The following WASHC2C variants were observed in gnomAD, a reference collection of about 807,000 sequenced individuals.
WASHC2C encodes the protein WASH complex subunit 2C.
Under a neutral mutation model 142.2 loss-of-function variants are expected in WASHC2C, and 73 were observed. The ratio of observed to expected loss-of-function variants is 0.51; its 90% confidence interval spans 0.43 to 0.62. The LOEUF (loss-of-function observed/expected upper bound fraction) is 0.62. Ranked by LOEUF, WASHC2C falls within the 20% of genes least tolerant of loss-of-function variation. The pLI is 0.00. For missense variants in WASHC2C, 969 were observed against 1,531.7 expected (o/e 0.63, Z 6.13); for synonymous variants, 337 against 565.5 (o/e 0.60, Z 5.73).
intron 17 of WASHC2C, among the ~76,000 whole-genome samples, chr10:45,760,767 G>T (rs2054960718): frequency 7.8e-6 from 1 of 127,688 alleles, no homozygotes; most frequent in Non-Finnish European, 1.6e-5. Context: ...TGTGCTCCTG[G>T]TCCTCTTTCC....
intron 20 of WASHC2C, among the ~76,000 whole-genome samples, chr10:45,772,662 G>C (rs1428164120): frequency 6.6e-6 from 1 of 152,204 alleles, no homozygotes; most frequent in African/African-American, 2.4e-5. Context: ...GCTGCAGTGG[G>C]ATATGATTGT....
chr10:45,791,966 C>CGTG (rs2058420526), intron 30 of WASHC2C, among the ~76,000 whole-genome samples: 1 of 145,628 alleles, frequency 6.9e-6, no homozygotes, highest in African/African-American at 2.5e-5. Context: ...ATGGTAGGGG[C>CGTG]GTGGGCTGGT....
At chr10:45,754,384 T>A (rs546481860) in intron 13 of WASHC2C, 102 bp from the exon 14 acceptor site, 1 of 1,583,866 alleles carries the variant, frequency 6.3e-7, no homozygotes, top group South Asian at 1.1e-5. Flanking sequence ...TTTCAAAAGG[T>A]CTGGTACTAG....
rs782302005 is a variant in WASHC2C, at chr10:45,754,964, C to T, written c.1269C>T (p.Ser423=). ...LGDTDVFGAA[S]VPSLKEPQKP... ...ACACGGATGTGTTTGGTGCTGCCTC[C>T]GTTCCATCACTGAAGGAGCCACAGA... The change falls in exon 15 of 31, where the codon TCC becomes TCT. Residue 423 remains serine, a synonymous_variant. Coordinates refer to ENST00000623400, the MANE Select transcript of WASHC2C (RefSeq NM_001330074.2). The T allele has an allele frequency of 3.7e-6, 6 of 1,611,862 alleles. No individual in the cohort carries two copies. Among genetic ancestry groups the T allele is most frequent in the African/African-American group, 1.3e-5 (1 of 74,824 alleles).
chr10:45,738,624 A>G (rs1554865859), intron 4 of WASHC2C, among the ~76,000 whole-genome samples: 1 of 152,230 alleles, frequency 6.6e-6, no homozygotes, highest in East Asian at 1.9e-4. Context: ...TTAGACTAGG[A>G]AAAGGGTATT....
chr10:45,737,274 T>G (rs2134188753), intron 3 of WASHC2C, among the ~76,000 whole-genome samples: 1 of 132,512 alleles, frequency 7.5e-6, no homozygotes, highest in East Asian at 2.1e-4. Flanking sequence ...CCACCGCACC[T>G]GGCCTATATT....
chr10:45,770,722 C>T (rs2056496092), intron 20 of WASHC2C, among the ~76,000 whole-genome samples: 1 of 152,206 alleles, frequency 6.6e-6, no homozygotes, highest in African/African-American at 2.4e-5. Flanking sequence ...TCTTTGGTCT[C>T]TGATTTAGAA....
intron 15 of WASHC2C, among the ~76,000 whole-genome samples, chr10:45,755,526 GCCTTGGTCTTT>G (rs2054157839): frequency 6.6e-6 from 1 of 152,304 alleles, no homozygotes; most frequent in African/African-American, 2.4e-5. Context: ...AGCTCAGGTG[GCCTTGGTCTTT>G]CCTCAGATGA....
At chr10:45,776,210 T>G (rs1554886367) in intron 21 of WASHC2C, among the ~76,000 whole-genome samples, 4 of 152,112 alleles carry the variant, frequency 2.6e-5, no homozygotes, top group Non-Finnish European at 5.9e-5. Flanking sequence ...AGCAATGTCC[T>G]TCCTTAGTTT....
chr10:45,790,840 T>C (rs2058353523), intron 30 of WASHC2C, among the ~76,000 whole-genome samples: 1 of 152,084 alleles, frequency 6.6e-6, no homozygotes, highest in Non-Finnish European at 1.5e-5. Context: ...TGTAAGGAGG[T>C]TTGATCAGAA....
intron 16 of WASHC2C, among the ~76,000 whole-genome samples, chr10:45,758,747 A>G (rs2054655045): frequency 6.6e-6 from 1 of 151,142 alleles, no homozygotes; most frequent in Non-Finnish European, 1.5e-5. Context: ...AGCTGGGACT[A>G]TATGCGTGCG....
chr10:45,782,656 A>G lies in WASHC2C; in HGVS notation c.2479-1909A>G, dbSNP rs2057612280. On this transcript the variant is annotated intron_variant, in intron 23 of 30. Transcript: ENST00000623400. ...AAACATGTTCACACAAAACTTGAAT[A>G]TGATTGCTCCCAGCAGCATTATTCA... Among the ~76,000 whole-genome samples, 4 of 152,250 alleles carry G rather than the reference A, an allele frequency of 2.6e-5. No homozygotes were observed. In the South Asian group the frequency reaches 8.3e-4, roughly 32 times the overall value.
chr10:45,754,889 G>T, intron 14 of WASHC2C, 47 bp from the exon 15 acceptor site: 1 of 1,609,904 alleles, frequency 6.2e-7, no homozygotes, highest in South Asian at 1.1e-5. Flanking sequence ...AATTCAACCG[G>T]CCCACACTGG....
Position 45,743,431 on chromosome 10 carries a change from A to C in WASHC2C, c.570A>C (p.Ser190=). Residue 190 remains serine (S), a synonymous_variant, in exon 6 of 31, where the codon TCA becomes TCC. Coordinates refer to ENST00000623400, the MANE Select transcript of WASHC2C (RefSeq NM_001330074.2). ...IDRPLPYLIG[S]KLFMEQEDVG... is the part of the protein sequence containing the mutation. Reference sequence around the variant, plus strand: ...GTCCTTTACCATATCTCATTGGGTCAAAGCTGTTCATGGAACAAGAAGATG... The same window carrying C: ...GTCCTTTACCATATCTCATTGGGTCCAAGCTGTTCATGGAACAAGAAGATG... 6.2e-7 allele frequency: 1 copy of C among 1,611,958 alleles called. No homozygotes were observed. Among genetic ancestry groups the C allele is most frequent in the Non-Finnish European group, 8.5e-7 (1 of 1,179,844 alleles).
At chr10:45,762,837 C>T (rs1435864913) in intron 17 of WASHC2C, among the ~76,000 whole-genome samples, 7 of 152,052 alleles carry the variant, frequency 4.6e-5, no homozygotes, top group South Asian at 2.1e-4. Context: ...ATCCGGGAGG[C>T]GGAGCTTTCA....
At chr10:45,780,755 T>C (rs1488706664) in intron 23 of WASHC2C, among the ~76,000 whole-genome samples, 1 of 120,802 alleles carries the variant, frequency 8.3e-6, no homozygotes, top group Non-Finnish European at 1.7e-5. Context: ...AGTAACTTTC[T>C]TTTTTTTTTT....
Position 45,779,095 on chromosome 10 carries a change from A to T in WASHC2C, c.2438A>T (p.Asp813Val). The T allele has an allele frequency of 6.2e-7, 1 of 1,611,418 alleles. No individual in the cohort carries two copies. Among genetic ancestry groups the T allele is most frequent in the Non-Finnish European group, 8.5e-7 (1 of 1,179,702 alleles). The change falls in exon 23 of 31, where the codon GAT (aspartate) becomes GTT (valine). Residue 813 changes from aspartate to valine, a missense_variant. By Grantham distance (152) the Asp-to-Val change is radical (BLOSUM62 -3). Transcript: ENST00000623400. ...GATGAGGAAGAGGATAAAATGGAAGATCAAAACATTATCCAGGCTCCACAG... is the reference window on the plus strand; with the variant it reads ...GATGAGGAAGAGGATAAAATGGAAGTTCAAAACATTATCCAGGCTCCACAG... ...LFDEEEDKMEDQNIIQAPQKE... is the reference protein window; with the variant it reads ...LFDEEEDKMEVQNIIQAPQKE...
chr10:45,754,411 A>G (rs1433562755), intron 13 of WASHC2C, 75 bp from the exon 14 acceptor site: 108 of 1,604,754 alleles, frequency 6.7e-5, no homozygotes, highest in Non-Finnish European at 8.5e-5. Context: ...GTTACATTGC[A>G]CGTATTTCAG....
At chr10:45,750,724 C>T (rs376637686) in intron 9 of WASHC2C, 27 bp from the exon 10 acceptor site, 16 of 1,544,170 alleles carry the variant, frequency 1.0e-5, no homozygotes, top group Admixed American at 5.9e-5. Flanking sequence ...TACAAAAAAG[C>T]GATTCTTTTG....
Sources: gnomAD v4.1 joint callset for allele counts (sites outside exome capture counted in the v4.1 genomes callset) on GRCh38, gnomAD v4.1.1 for gene constraint, MANE v1.5 for transcripts, NCBI Gene and HGNC (gene_info 2026-07-23, HGNC 2026-07-21) for gene names.